FGFR1: variants seen among roughly 807,000 people sequenced by gnomAD.
FGFR1 encodes fibroblast growth factor receptor 1.
Under a neutral mutation model 93.7 loss-of-function variants are expected in FGFR1, and 18 were observed. The observed-to-expected ratio is 0.19, with a 90% CI of 0.13 to 0.28. The LOEUF (loss-of-function observed/expected upper bound fraction) is 0.28, where lower values mean the gene tolerates loss of function less well. Among genes scored for constraint, FGFR1 ranks in the 10% least tolerant of loss-of-function variants. The probability of loss-of-function intolerance (pLI) is 1.00; values close to 1 mark genes in which losing one functional copy is unlikely to be tolerated. For missense variants in FGFR1, 731 were observed against 1,080.4 expected (o/e 0.68, Z 4.53); for synonymous variants, 448 against 429.3 (o/e 1.04, Z -0.54).
chr8:38,468,370 C>G lies in FGFR1; in HGVS notation c.-478G>C, dbSNP rs1449779842. 1 of 228,254 alleles carries G rather than the reference C, an allele frequency of 4.4e-6. No homozygotes were observed. Among genetic ancestry groups the G allele is most frequent in the African/African-American group, 2.2e-5 (1 of 45,034 alleles). 14.1% of individuals were successfully genotyped at this position (228,254 alleles called of 1,614,324 possible). On this transcript the variant is annotated 5_prime_UTR_variant, in exon 1 of 18. Coordinates refer to ENST00000447712, the MANE Select transcript of FGFR1 (RefSeq NM_023110.3). Reference sequence around the variant, plus strand: ...GACTGCAGCACGGGTACCGTGCGCCCTGCGGGGCGCCCCGAGCTCGGACCG... The same window carrying G: ...GACTGCAGCACGGGTACCGTGCGCCGTGCGGGGCGCCCCGAGCTCGGACCG...
intron 2 of FGFR1, among the ~76,000 whole-genome samples, chr8:38,437,679 C>T (rs998153770): frequency 1.3e-5 from 2 of 152,078 alleles, no homozygotes; most frequent in African/African-American, 2.4e-5. Context: ...TACAGCTGGC[C>T]AGGAACAGAA....
chr8:38,453,044 G>A (rs1378446663), intron 2 of FGFR1, among the ~76,000 whole-genome samples: 1 of 152,192 alleles, frequency 6.6e-6, no homozygotes, highest in East Asian at 1.9e-4. Flanking sequence ...CCAAGACTAT[G>A]CAATATACTT....
rs1237435802 is a variant in FGFR1 at position 38,413,763 on chromosome 8, G to C, written c.2334C>G (p.Pro778=). ...TAGAGCTCCGGGTGTCGGGAAAGCT[G>C]GGGGAGTACTGGTCCAGGGGCATGG... ...DLSMPLDQYS[P]SFPDTRSSTC... is the part of the protein sequence containing the mutation. The change falls in exon 18 of 18, where the codon CCC becomes CCG. Residue 778 remains proline, a synonymous_variant. Coordinates refer to ENST00000447712, the MANE Select transcript of FGFR1 (RefSeq NM_023110.3). This position sits in a 1 kb window ranked among gnomAD's most constrained non-coding sequence, Gnocchi z 4.2. The C allele has an allele frequency of 8.7e-6, 14 of 1,614,116 alleles. No individual in the cohort carries two copies. Among genetic ancestry groups the C allele is most frequent in the Non-Finnish European group, 1.2e-5 (14 of 1,180,006 alleles).
chr8:38,417,231 G>A (rs1234367291), intron 12 of FGFR1, 75 bp downstream of exon 12: 6 of 1,144,386 alleles, frequency 5.2e-6, no homozygotes, highest in Non-Finnish European at 2.6e-6. Context: ...GTGGCTGAGA[G>A]AGGCCTTGGG....
chr8:38,443,192 A>G (rs1448391600), intron 2 of FGFR1, among the ~76,000 whole-genome samples: 1 of 152,144 alleles, frequency 6.6e-6, no homozygotes, highest in African/African-American at 2.4e-5. Flanking sequence ...ATTTTATGCT[A>G]CAAAACTGTG....
chr8:38,446,994 T>C (rs1829497069), intron 2 of FGFR1, among the ~76,000 whole-genome samples: 1 of 151,950 alleles, frequency 6.6e-6, no homozygotes, highest in Non-Finnish European at 1.5e-5. Context: ...TTTGTTCCAT[T>C]GATTATTCTA....
At chr8:38,465,440 G>A in intron 1 of FGFR1, 1 of 232,132 alleles carries the variant, frequency 4.3e-6, no homozygotes, top group Non-Finnish European at 8.5e-6. Context: ...AAATGCAACA[G>A]ATATTTCAAG....
At position 38,418,077 on chromosome 8, in the gene FGFR1, T is replaced by C. The variant is rs1325301567; in HGVS notation, c.1431-86A>G. The C allele has an allele frequency of 5.6e-6, 9 of 1,609,972 alleles. No individual in the cohort carries two copies. The African/African-American group carries it at 1.2e-4, about 22-fold the overall frequency. ...CACCCCATCTCCACCTCTCTGTATT[T>C]CACCCAACTGCGAGCAGAAAGTGGA... On this transcript the variant is annotated intron_variant, in intron 10 of 17. Coordinates refer to ENST00000447712, the MANE Select transcript of FGFR1 (RefSeq NM_023110.3).
chr8:38,459,647 T>C (rs773427905), intron 1 of FGFR1, among the ~76,000 whole-genome samples: 1 of 152,294 alleles, frequency 6.6e-6, no homozygotes, highest in East Asian at 1.9e-4. Context: ...ATTCCTTTTA[T>C]GCAATGGAGA....
intron 2 of FGFR1, among the ~76,000 whole-genome samples, chr8:38,444,051 C>CAAAAAAAAAAAAAA (rs746296068): frequency 1.3e-5 from 1 of 74,354 alleles, no homozygotes; most frequent in Admixed American, 1.7e-4. Flanking sequence ...GAAACTGTCT[C>CAAAAAAAAAAAAAA]AAAAAAAAAA....
At chr8:38,423,960 G>T in intron 7 of FGFR1, 1 of 194,882 alleles carries the variant, frequency 5.1e-6, no homozygotes, top group Non-Finnish European at 1.1e-5. Flanking sequence ...ACCTTCCCTG[G>T]ATTAATGGAG....
intron 1 of FGFR1, chr8:38,458,713 G>A (rs1224644534): frequency 2.3e-5 from 5 of 221,072 alleles, no homozygotes; most frequent in East Asian, 6.6e-5. Flanking sequence ...TCAACTCCCC[G>A]ACCTATGCAA....
chr8:38,421,864 C>T lies in FGFR1; in HGVS notation c.1014G>A (p.Glu338=), dbSNP rs1186510471. ...LRNVSFEDAG[E]YTCLAGNSIG... ...TAGAGTTACCCGCCAAGCACGTATA[C>T]TCCCCTGCGTCCTCAAAGGAGACAT... The change falls in exon 8 of 18, where the codon GAG becomes GAA. Residue 338 remains glutamate, a synonymous_variant. Coordinates refer to ENST00000447712, the MANE Select transcript of FGFR1 (RefSeq NM_023110.3). The T allele has an allele frequency of 1.2e-6, 2 of 1,613,984 alleles. No homozygotes were observed. Among genetic ancestry groups the T allele is most frequent in the Non-Finnish European group, 1.7e-6 (2 of 1,179,994 alleles).
chr8:38,440,727 C>T (rs1827137002), intron 2 of FGFR1, among the ~76,000 whole-genome samples: 2 of 152,104 alleles, frequency 1.3e-5, no homozygotes, highest in African/African-American at 2.4e-5. Flanking sequence ...GCCAGAGGGC[C>T]GGCAATAAAG....
In FGFR1 at chr8:38,457,484, C is replaced by T. The variant is rs2151350180; in HGVS notation, c.-38G>A. The T allele has an allele frequency of 6.2e-7, 1 of 1,613,258 alleles. No homozygotes were observed. Among genetic ancestry groups the T allele is most frequent in the Non-Finnish European group, 8.5e-7 (1 of 1,179,736 alleles). ...GTTAGAGGTTGGTGACAAGGCTCCA[C>T]ATCTCCATGGATACTCCACAGTGAG... is the stretch of plus-strand genomic sequence containing the variant. On this transcript the variant is annotated 5_prime_UTR_variant, in exon 2 of 18. In the 5' UTR this introduces an upstream ATG that the reference lacks. Transcript: ENST00000447712.
At chr8:38,466,187 A>C (rs1317100111) in intron 1 of FGFR1, 1 of 232,294 alleles carries the variant, frequency 4.3e-6, no homozygotes, top group Non-Finnish European at 8.5e-6. Context: ...TCAGTCCTTA[A>C]AAACACACAG....
At chr8:38,428,325 A>C in intron 4 of FGFR1, 21 bp downstream of exon 4, 5 of 1,611,238 alleles carry the variant, frequency 3.1e-6, no homozygotes, top group Non-Finnish European at 4.2e-6. Flanking sequence ...AAGGGCAGTA[A>C]GATAGGAAAC....
intron 5 of FGFR1, among the ~76,000 whole-genome samples, chr8:38,427,252 C>T (rs1821120658): frequency 6.6e-6 from 1 of 152,032 alleles, no homozygotes; most frequent in African/African-American, 2.4e-5. Flanking sequence ...TACCTAATAT[C>T]ACAAAATAGT....
At chr8:38,459,058 C>T (rs1833724879) in intron 1 of FGFR1, 1 of 229,166 alleles carries the variant, frequency 4.4e-6, no homozygotes, top group African/African-American at 2.2e-5. Context: ...GCCCTTTACC[C>T]TTCTCAGGTC....
Sources: allele counts gnomAD v4.1 joint callset (sites outside exome capture counted in the v4.1 genomes callset), GRCh38; gene constraint gnomAD v4.1.1; non-coding constraint Gnocchi (gnomAD v3.1); transcripts MANE v1.5; gene names NCBI Gene and HGNC (gene_info 2026-07-23, HGNC 2026-07-21).